The following GRIN2A variants were observed in gnomAD, a reference collection of about 807,000 sequenced individuals.
GRIN2A encodes glutamate ionotropic receptor NMDA type subunit 2A, also known as glutamate receptor ionotropic, NMDA 2A.
Under a neutral mutation model 113.4 loss-of-function variants are expected in GRIN2A, and 22 were observed. The ratio of observed to expected loss-of-function variants is 0.19; its 90% confidence interval spans 0.14 to 0.28. The LOEUF is 0.28. Among genes scored for constraint, GRIN2A ranks in the 10% least tolerant of loss-of-function variants. The probability of loss-of-function intolerance (pLI) is 1.00; values close to 1 mark genes in which losing one functional copy is unlikely to be tolerated. For missense variants in GRIN2A, 1,502 were observed against 1,887.0 expected, an observed-to-expected ratio of 0.80 and a Z score of 3.78; for synonymous variants, 827 against 738.4, an observed-to-expected ratio of 1.12 and a Z score of -1.94.
chr16:10,133,204 A>T (rs1474015137), intron 2 of GRIN2A, among the ~76,000 whole-genome samples: 1 of 152,260 alleles, frequency 6.6e-6, no homozygotes, highest in African/African-American at 2.4e-5. Context: ...GAAGGTGAAC[A>T]TCTTTGAGAG....
chr16:9,940,268 A>C (rs1014503517), intron 2 of GRIN2A, among the ~76,000 whole-genome samples: 2 of 152,154 alleles, frequency 1.3e-5, no homozygotes, highest in Non-Finnish European at 2.9e-5. Context: ...TTGGGGGATA[A>C]TTTGAGTGAA....
At chr16:10,103,942 G>A (rs1363959586) in intron 2 of GRIN2A, among the ~76,000 whole-genome samples, 1 of 152,088 alleles carries the variant, frequency 6.6e-6, no homozygotes, top group Non-Finnish European at 1.5e-5. Flanking sequence ...TTATCCTTTT[G>A]TTGATGTTAT....
intron 3 of GRIN2A, among the ~76,000 whole-genome samples, chr16:9,893,811 T>C (rs2141491132): frequency 6.6e-6 from 1 of 152,208 alleles, no homozygotes; most frequent in East Asian, 1.9e-4. Flanking sequence ...CTATTTATTA[T>C]AGAGACGACG....
chr16:10,107,486 C>G (rs2142131427), intron 2 of GRIN2A, among the ~76,000 whole-genome samples: 1 of 152,316 alleles, frequency 6.6e-6, no homozygotes, highest in East Asian at 1.9e-4. Context: ...TGTTGCTACT[C>G]TCTATCATGG....
intron 2 of GRIN2A, among the ~76,000 whole-genome samples, chr16:9,984,180 C>A (rs986379412): frequency 1.3e-5 from 2 of 151,922 alleles, no homozygotes; most frequent in Non-Finnish European, 2.9e-5. Context: ...TGTCCATTTG[C>A]ATATCTTTAA....
chr16:10,156,636 T>G (rs1430963289), intron 2 of GRIN2A, among the ~76,000 whole-genome samples: 1 of 151,930 alleles, frequency 6.6e-6, no homozygotes, highest in Non-Finnish European at 1.5e-5. Flanking sequence ...AAAGACTGAG[T>G]GCATAGGAGG....
intron 2 of GRIN2A, among the ~76,000 whole-genome samples, chr16:10,130,069 A>T (rs1440300247): frequency 6.6e-6 from 1 of 152,218 alleles, no homozygotes; most frequent in Non-Finnish European, 1.5e-5. Flanking sequence ...AAATGAGGTC[A>T]TTTACTAAGA....
At chr16:9,817,413 AT>A (rs1421566702) in intron 10 of GRIN2A, among the ~76,000 whole-genome samples, 10 of 152,182 alleles carry the variant, frequency 6.6e-5, no homozygotes, top group African/African-American at 2.2e-4. Flanking sequence ...TAATCATGTG[AT>A]TCAGGTACAG....
chr16:10,181,241 TCTC>T (rs2050266240), intron 1 of GRIN2A, among the ~76,000 whole-genome samples: 1 of 149,144 alleles, frequency 6.7e-6, no homozygotes, highest in South Asian at 2.1e-4. Flanking sequence ...ACACACACCC[TCTC>T]TCACGCGCGC....
intron 2 of GRIN2A, among the ~76,000 whole-genome samples, chr16:10,038,244 TA>T (rs2047070964): frequency 6.6e-6 from 1 of 152,022 alleles, no homozygotes; most frequent in African/African-American, 2.4e-5. Flanking sequence ...TGGCTTGCCC[TA>T]ATCCCATTCA....
At chr16:9,867,561 C>T (rs887008981) in intron 4 of GRIN2A, among the ~76,000 whole-genome samples, 10 of 152,216 alleles carry the variant, frequency 6.6e-5, no homozygotes, top group Admixed American at 6.5e-5. Context: ...CTGCACTGTC[C>T]TTGCCTCTCA....
At chr16:9,806,592 A>T (rs2041972133) in intron 10 of GRIN2A, among the ~76,000 whole-genome samples, 2 of 152,164 alleles carry the variant, frequency 1.3e-5, no homozygotes, top group Non-Finnish European at 2.9e-5. Context: ...GGGAGGAGGA[A>T]GAGATCCAGA....
intron 3 of GRIN2A, among the ~76,000 whole-genome samples, chr16:9,933,538 T>C (rs1458105482): frequency 6.6e-6 from 1 of 152,198 alleles, no homozygotes; most frequent in East Asian, 1.9e-4. Context: ...ATAGGAGGAA[T>C]AGTGAGAGCT....
chr16:9,815,640 G>C (rs1170829516), intron 10 of GRIN2A, among the ~76,000 whole-genome samples: 2 of 152,208 alleles, frequency 1.3e-5, no homozygotes, highest in African/African-American at 2.4e-5. Flanking sequence ...GTATTGGCAA[G>C]GATGTGGAGA....
intron 2 of GRIN2A, chr16:10,111,478 A>G: frequency 3.1e-6 from 2 of 651,242 alleles, no homozygotes; most frequent in South Asian, 1.6e-5. Context: ...CCGCACCCAC[A>G]ACAACTTCCT....
intron 2 of GRIN2A, among the ~76,000 whole-genome samples, chr16:10,085,370 G>T (rs998657996): frequency 7.2e-5 from 11 of 152,096 alleles, no homozygotes; most frequent in African/African-American, 2.7e-4. Context: ...CAAAAGAAGG[G>T]CACGCAAATG....
At chr16:9,913,297 T>C (rs141100697) in intron 3 of GRIN2A, among the ~76,000 whole-genome samples, 1 of 152,370 alleles carries the variant, frequency 6.6e-6, no homozygotes, top group African/African-American at 2.4e-5. Flanking sequence ...AGACACATAG[T>C]AGATATGGGT....
chr16:10,034,561 A>C (rs1227108967), intron 2 of GRIN2A, among the ~76,000 whole-genome samples: 1 of 150,462 alleles, frequency 6.6e-6, no homozygotes, highest in Non-Finnish European at 1.5e-5. Context: ...AAAAAAAAAA[A>C]AAACTGGCTC....
intron 12 of GRIN2A, 102 bp from the exon 13 acceptor site, chr16:9,765,050 G>T: frequency 6.7e-7 from 1 of 1,485,608 alleles, no homozygotes; most frequent in Non-Finnish European, 9.3e-7. Context: ...TGCACTTCTT[G>T]CAGGAGCCCT....
Sources: gnomAD v4.1 joint callset for allele counts (sites outside exome capture counted in the v4.1 genomes callset) on GRCh38, gnomAD v4.1.1 for gene constraint, MANE v1.5 for transcripts, NCBI Gene and HGNC (gene_info 2026-07-23, HGNC 2026-07-21) for gene names.